KCNMB3: variants seen among roughly 807,000 people sequenced by gnomAD.
KCNMB3 encodes calcium-activated potassium channel subunit beta-3.
In KCNMB3, 18 loss-of-function variants were observed where a neutral mutation model predicts 11.9. The observed-to-expected ratio is 1.51, with a 90% CI of 1.04 to 2.23. The LOEUF is 2.23. Ranked by LOEUF, KCNMB3 falls within the 30% of genes most tolerant of loss-of-function variation. KCNMB3 has a pLI of 0.00. For missense variants in KCNMB3, 247 were observed against 329.4 expected, an observed-to-expected ratio of 0.75 and a Z score of 1.94; for synonymous variants, 78 against 119.2, an observed-to-expected ratio of 0.65 and a Z score of 2.25.
intron 1 of KCNMB3, among the ~76,000 whole-genome samples, chr3:179,263,789 C>CTT (rs1726295240): frequency 8.3e-6 from 1 of 120,874 alleles, no homozygotes. Flanking sequence ...TTTTGTTTTT[C>CTT]TTTTTCTTTT....
chr3:179,260,399 G>C, intron 1 of KCNMB3: 1 of 1,613,916 alleles, frequency 6.2e-7, no homozygotes. Flanking sequence ...AGGATTTCTG[G>C]TCCTCGGTAT....
chr3:179,240,144 A>AT (rs994827545), downstream of KCNMB3: 8 of 906,162 alleles, frequency 8.8e-6, no homozygotes, highest in Admixed American at 2.1e-4. Context: ...AAAAACTGTG[A>AT]TAATTCTCTT....
chr3:179,250,003 C>G (rs1312906185), intron 1 of KCNMB3, among the ~76,000 whole-genome samples: 1 of 152,044 alleles, frequency 6.6e-6, no homozygotes, highest in East Asian at 1.9e-4. Context: ...TGTAACAAAC[C>G]TGCACATTCT....
intron 1 of KCNMB3, among the ~76,000 whole-genome samples, chr3:179,258,166 G>T (rs563363382): frequency 1.3e-5 from 2 of 152,144 alleles, no homozygotes; most frequent in Non-Finnish European, 2.9e-5. Context: ...GATTACAGGC[G>T]TGAGCCACCA....
upstream of KCNMB3, among the ~76,000 whole-genome samples, chr3:179,254,760 C>T (rs1021664955): frequency 1.7e-4 from 26 of 152,168 alleles, no homozygotes; most frequent in African/African-American, 6.3e-4. Flanking sequence ...CAAGATTGCG[C>T]CACTGCACTC....
chr3:179,261,135 G>T lies in KCNMB3; in HGVS notation c.62+5514C>A, dbSNP rs1576964290. On this transcript the variant is annotated intron_variant, in intron 1 of 3. Coordinates refer to the KCNMB3 transcript ENST00000349697. ...CTCTCTTCTACCTCCTTCTGCTGCC[G>T]CTCCAGCTCCTTCATGGGGATCTCA... 2.3e-6 allele frequency: 3 copies of T among 1,325,300 alleles called. No individual in the cohort carries two copies. In the East Asian group the frequency reaches 7.1e-5, roughly 31 times the overall value. 82.1% of individuals were successfully genotyped at this position (1,325,300 alleles called of 1,614,324 possible).
intron 2 of KCNMB3, 22 bp from the exon 3 acceptor site, chr3:179,243,306 A>T: frequency 7.0e-7 from 1 of 1,420,600 alleles, no homozygotes; most frequent in South Asian, 1.2e-5. Flanking sequence ...GAAGAGGGAA[A>T]AAGATAAAGG....
At chr3:179,266,505 C>T (rs972865695) in intron 1 of KCNMB3, 3 of 885,040 alleles carry the variant, frequency 3.4e-6, no homozygotes, top group African/African-American at 3.3e-5. Context: ...GGGAAGCCTG[C>T]TGGGTACCCT....
intron 1 of KCNMB3, among the ~76,000 whole-genome samples, chr3:179,266,141 G>A (rs1726364493): frequency 6.6e-6 from 1 of 152,150 alleles, no homozygotes; most frequent in Non-Finnish European, 1.5e-5. Flanking sequence ...GAAGTTAAGT[G>A]ACTTGCCCAG....
chr3:179,260,093 A>C (rs1726154381), intron 1 of KCNMB3: 5 of 1,608,178 alleles, frequency 3.1e-6, no homozygotes, highest in Non-Finnish European at 4.3e-6. Flanking sequence ...CATCATGATA[A>C]ACTGTGTCAT....
chr3:179,243,627 T>C (rs550332363), intron 2 of KCNMB3, among the ~76,000 whole-genome samples: 17 of 152,344 alleles, frequency 1.1e-4, no homozygotes, highest in Middle Eastern at 3.4e-3. Flanking sequence ...CAAAAATGTA[T>C]TGGGCCTCAC....
At chr3:179,259,029 G>A (rs1726114187) in intron 1 of KCNMB3, 1 of 1,613,642 alleles carries the variant, frequency 6.2e-7, no homozygotes, top group Non-Finnish European at 8.5e-7. Flanking sequence ...TTAGGACATG[G>A]TACGGTCTTC....
chr3:179,251,643 C>A (rs1725847711), upstream of KCNMB3: 15 of 1,249,476 alleles, frequency 1.2e-5, no homozygotes, highest in Admixed American at 3.8e-5. Context: ...AAGAGTCCAA[C>A]ACAAAGGTCG....
intron 1 of KCNMB3, among the ~76,000 whole-genome samples, chr3:179,262,818 G>A (rs953909569): frequency 2.0e-5 from 3 of 152,244 alleles, no homozygotes; most frequent in Admixed American, 6.5e-5. Context: ...AGAGTAGCTA[G>A]ATACAGTGTC....
intron 1 of KCNMB3, chr3:179,259,990 T>C (rs1487220769): frequency 5.6e-6 from 9 of 1,612,774 alleles, no homozygotes; most frequent in Non-Finnish European, 7.6e-6. Flanking sequence ...GGAACCTCCT[T>C]GGGCTCAGCT....
chr3:179,259,994 C>T, intron 1 of KCNMB3: 1 of 1,612,920 alleles, frequency 6.2e-7, no homozygotes, highest in South Asian at 1.1e-5. Flanking sequence ...CCTCCTTGGG[C>T]TCAGCTGCTT....
rs372472464 is a variant in KCNMB3, at chr3:179,264,291, G to A, written c.62+2358C>T. ...TTTCCTTAACCATTTCCTTATTATT[G>A]AATATTATTAGGTTGTTTCCAGTTT... is the stretch of plus-strand genomic sequence containing the variant. On this transcript the variant is annotated intron_variant, in intron 1 of 3. Coordinates refer to the KCNMB3 transcript ENST00000349697. 2.1e-4 allele frequency among the ~76,000 whole-genome samples: 32 copies of A among 151,916 alleles called. No individual in the cohort carries two copies. The South Asian group carries it at 6.5e-3, about 31-fold the overall frequency.
At chr3:179,245,083 T>C (rs966716079) in intron 1 of KCNMB3, among the ~76,000 whole-genome samples, 2 of 152,186 alleles carry the variant, frequency 1.3e-5, no homozygotes, top group African/African-American at 4.8e-5. Flanking sequence ...GAATCTTTAA[T>C]AGTATTTAAG....
At chr3:179,259,114 C>T in intron 1 of KCNMB3, 1 of 1,586,720 alleles carries the variant, frequency 6.3e-7, no homozygotes, top group Non-Finnish European at 8.6e-7. Flanking sequence ...GGCTCTCCTC[C>T]TGGTGCCAAC....
Sources: gnomAD v4.1 joint callset for allele counts (sites outside exome capture counted in the v4.1 genomes callset) on GRCh38, gnomAD v4.1.1 for gene constraint, MANE v1.5 for transcripts, NCBI Gene and HGNC (gene_info 2026-07-23, HGNC 2026-07-21) for gene names.